The following NCOA2 variants were observed in gnomAD, a reference collection of about 807,000 sequenced individuals.
NCOA2 encodes class E basic helix-loop-helix protein 75.
NCOA2 carries 21 observed loss-of-function variants against 145.1 expected under a neutral mutation model. That is an observed-to-expected ratio of 0.14 (90% CI 0.10 to 0.21). The LOEUF is 0.21. Ranked by LOEUF, NCOA2 falls within the 10% of genes least tolerant of loss-of-function variation. NCOA2 has a pLI of 1.00. For synonymous variants in NCOA2, 619 were observed against 637.5 expected, an observed-to-expected ratio of 0.97 and a Z score of 0.44; for missense variants, 1,472 against 1,837.6, an observed-to-expected ratio of 0.80 and a Z score of 3.64.
chr8:70,152,699 G>A (rs1489058623), intron 11 of NCOA2, among the ~76,000 whole-genome samples: 1 of 152,136 alleles, frequency 6.6e-6, no homozygotes, highest in African/African-American at 2.4e-5. Flanking sequence ...TGCTGGTTAG[G>A]AAATGCTGTA....
At chr8:70,155,908 T>TTGAAG in intron 11 of NCOA2, 63 bp downstream of exon 11, 1 of 1,325,058 alleles carries the variant, frequency 7.5e-7, no homozygotes, top group Non-Finnish European at 1.0e-6. Context: ...AAAATGCCCC[T>TTGAAG]ATGGAGAAAA....
intron 1 of NCOA2, among the ~76,000 whole-genome samples, chr8:70,382,394 T>C (rs1812280860): frequency 6.6e-6 from 1 of 152,110 alleles, no homozygotes; most frequent in Non-Finnish European, 1.5e-5. Context: ...TAGCATAGTG[T>C]AAGGCTTACA....
At chr8:70,178,595 G>A (rs1461869242) in intron 4 of NCOA2, among the ~76,000 whole-genome samples, 1 of 152,146 alleles carries the variant, frequency 6.6e-6, no homozygotes, top group Non-Finnish European at 1.5e-5. Flanking sequence ...GAAGCAAAGT[G>A]AAAAATCCTC....
intron 1 of NCOA2, among the ~76,000 whole-genome samples, chr8:70,351,354 T>C (rs1809186919): frequency 6.6e-6 from 1 of 152,188 alleles, no homozygotes; most frequent in African/African-American, 2.4e-5. Flanking sequence ...CACCATTTTA[T>C]CAACTGATTG....
At chr8:70,217,360 C>T (rs1467108726) in intron 2 of NCOA2, among the ~76,000 whole-genome samples, 1 of 152,188 alleles carries the variant, frequency 6.6e-6, no homozygotes, top group Non-Finnish European at 1.5e-5. Context: ...CGGGAAGCTC[C>T]TGTGCCTGGC....
chr8:70,174,742 T>C lies in NCOA2; in HGVS notation c.363+14A>G, dbSNP rs757890838. On this transcript the variant is annotated intron_variant, in intron 5 of 22. Coordinates refer to ENST00000452400, the MANE Select transcript of NCOA2 (RefSeq NM_006540.4). ...AAGATTTTAAAATACAGCACTAAAA[T>C]GAAGATGTGCTACCTCAAGCATCAT... The C allele has an allele frequency of 1.6e-5, 25 of 1,602,172 alleles. No homozygotes were observed. The South Asian group carries it at 2.6e-4, about 17-fold the overall frequency.
chr8:70,437,688 T>G, the NCOA2 span, among the ~76,000 whole-genome samples: 1 of 152,224 alleles, frequency 6.6e-6, no homozygotes, highest in Non-Finnish European at 1.5e-5. Flanking sequence ...TCTAAGCATT[T>G]GAAGACTTAC....
intron 1 of NCOA2, among the ~76,000 whole-genome samples, chr8:70,356,821 T>C (rs1809740794): frequency 2.6e-5 from 4 of 152,236 alleles, no homozygotes; most frequent in African/African-American, 9.6e-5. Flanking sequence ...CATTCTGTCA[T>C]TTAGCTACCA....
intron 1 of NCOA2, among the ~76,000 whole-genome samples, chr8:70,337,140 T>C (rs777168433): frequency 6.6e-6 from 1 of 152,226 alleles, no homozygotes; most frequent in Non-Finnish European, 1.5e-5. Context: ...TGGTATGGAC[T>C]GATAATTGAC....
intron 22 of NCOA2, among the ~76,000 whole-genome samples, chr8:70,114,804 C>T (rs1806901445): frequency 6.6e-6 from 1 of 152,128 alleles, no homozygotes; most frequent in African/African-American, 2.4e-5. Flanking sequence ...GAGAGGAAGC[C>T]AGCTCCAAAT....
chr8:70,243,211 T>TA (rs1822307404), intron 2 of NCOA2, among the ~76,000 whole-genome samples: 1 of 135,932 alleles, frequency 7.4e-6, no homozygotes, highest in Non-Finnish European at 1.6e-5. Context: ...GAAGATTATT[T>TA]AAAAAACAAA....
chr8:70,191,440 A>T (rs1053092444), intron 4 of NCOA2, among the ~76,000 whole-genome samples: 3 of 152,216 alleles, frequency 2.0e-5, no homozygotes, highest in Non-Finnish European at 2.9e-5. Context: ...AGCTGCACAC[A>T]TAGCCTCACC....
the NCOA2 span, among the ~76,000 whole-genome samples, chr8:70,452,645 C>T: frequency 6.7e-6 from 1 of 149,866 alleles, no homozygotes; most frequent in Non-Finnish European, 1.5e-5. Context: ...TTGTAAAACA[C>T]AAAATATACT....
intron 1 of NCOA2, among the ~76,000 whole-genome samples, chr8:70,304,856 CTTTTT>C (rs34611471): frequency 8.0e-6 from 1 of 125,726 alleles, no homozygotes; most frequent in Non-Finnish European, 1.7e-5. Flanking sequence ...AAGTAACTAG[CTTTTT>C]TTTTTTTTTT....
intron 10 of NCOA2, 122 bp downstream of exon 10, chr8:70,159,383 A>T: frequency 1.1e-6 from 1 of 887,478 alleles, no homozygotes. Flanking sequence ...TATATTTTAC[A>T]TTACTGGGAT....
At chr8:70,375,454 A>G (rs1462033941) in intron 1 of NCOA2, among the ~76,000 whole-genome samples, 1 of 152,224 alleles carries the variant, frequency 6.6e-6, no homozygotes, top group Non-Finnish European at 1.5e-5. Context: ...GTCCTTGGGA[A>G]TCAGAAGGAA....
At position 70,216,741 on chromosome 8, in the gene NCOA2, C is replaced by T. The variant is rs775109661; in HGVS notation, c.5G>A (p.Ser2Asn). 1.2e-6 allele frequency: 2 copies of T among 1,611,378 alleles called. No homozygotes were observed. The highest frequency in any genetic ancestry group is 1.7e-6 in the Non-Finnish European group (2 of 1,177,624). Residue 2 changes from serine to asparagine, a missense_variant, in exon 3 of 23, where the codon AGT (serine) becomes AAT (asparagine). Coordinates refer to ENST00000452400, the MANE Select transcript of NCOA2 (RefSeq NM_006540.4). Reference sequence around the variant, plus strand: ...GTCAGAGGTATTTTCTCCCATCCCACTCATCTTGAACACATATCAGCAACT... The same window carrying T: ...GTCAGAGGTATTTTCTCCCATCCCATTCATCTTGAACACATATCAGCAACT... Reference protein sequence around the residue: MSGMGENTSDPS... With the variant: MNGMGENTSDPS...
At chr8:70,410,701 C>T in the NCOA2 span, among the ~76,000 whole-genome samples, 7 of 152,122 alleles carry the variant, frequency 4.6e-5, no homozygotes, top group African/African-American at 7.2e-5. Flanking sequence ...GTGGTATATT[C>T]GTACAATGGA....
chr8:70,405,760 C>T (rs1814760686), upstream of NCOA2, among the ~76,000 whole-genome samples: 1 of 152,076 alleles, frequency 6.6e-6, no homozygotes, highest in African/African-American at 2.4e-5. Context: ...TCTATCAGTC[C>T]TCTGCAATCG....
Sources: allele counts gnomAD v4.1 joint callset (sites outside exome capture counted in the v4.1 genomes callset), GRCh38; gene constraint gnomAD v4.1.1; transcripts MANE v1.5; gene names NCBI Gene and HGNC (gene_info 2026-07-23, HGNC 2026-07-21).